Variants in PDLIM1 observed in about 807,000 individuals in gnomAD.
PDLIM1 encodes PDZ and LIM domain 1.
A neutral mutation model predicts 35.2 loss-of-function variants in PDLIM1; 25 were observed. The observed-to-expected ratio is 0.71, with a 90% CI of 0.52 to 0.99. PDLIM1 has a LOEUF of 0.99. Among genes scored for constraint, PDLIM1 ranks in the 50% least tolerant of loss-of-function variants. The pLI, the probability that PDLIM1 is intolerant of heterozygous loss-of-function variation, is 0.00. For missense variants in PDLIM1, 363 were observed against 415.3 expected (o/e 0.87, Z 1.09); for synonymous variants, 152 against 154.0 (o/e 0.99, Z 0.10).
rs767630713 is a variant in PDLIM1, at chr10:95,290,617, G to A, written c.96+203C>T. Among the ~76,000 whole-genome samples, 492 of 151,666 alleles carry A rather than the reference G, an allele frequency of 3.2e-3. 1 individual carries two copies. Among genetic ancestry groups the A allele is most frequent in the Non-Finnish European group, 5.5e-3 (370 of 67,806 alleles). ...ACACGGAGCGCGCCCGCGGCGGGCC[G>A]ACCAGCCCGGGAGCGCAGCCTCCGC... On this transcript the variant is annotated intron_variant, in intron 1 of 6. Transcript: ENST00000329399. The surrounding 1 kb of genome is among the most constrained non-coding windows in gnomAD (Gnocchi z 4.7).
chr10:95,268,943 C>G (rs2035438846), intron 2 of PDLIM1, 81 bp from the exon 3 acceptor site: 16 of 995,036 alleles, frequency 1.6e-5, no homozygotes, highest in Non-Finnish European at 2.2e-5. Flanking sequence ...AAAATGCCCC[C>G]TCTTTCCTGG....
intron 1 of PDLIM1, among the ~76,000 whole-genome samples, chr10:95,282,741 G>A (rs1463779050): frequency 6.6e-6 from 1 of 152,104 alleles, no homozygotes; most frequent in Non-Finnish European, 1.5e-5. Context: ...GGAGTTCAAG[G>A]CCAGCCTGTT....
intron 5 of PDLIM1, among the ~76,000 whole-genome samples, 153 bp downstream of exon 5, chr10:95,247,062 T>C (rs2035227567): frequency 6.6e-6 from 1 of 151,818 alleles, no homozygotes; most frequent in Non-Finnish European, 1.5e-5. Flanking sequence ...TCTCTCTCTC[T>C]CTCCCTCTAT....
chr10:95,256,017 A>C (rs1250080292), intron 4 of PDLIM1, among the ~76,000 whole-genome samples: 1 of 152,082 alleles, frequency 6.6e-6, no homozygotes, highest in Non-Finnish European at 1.5e-5. Context: ...TACACTACCA[A>C]TGAATAATCC....
intron 1 of PDLIM1, among the ~76,000 whole-genome samples, chr10:95,276,182 T>C (rs1262145275): frequency 6.6e-6 from 1 of 152,184 alleles, no homozygotes; most frequent in Non-Finnish European, 1.5e-5. Context: ...TGTGAGTGGT[T>C]CAAGTTCACA....
intron 1 of PDLIM1, among the ~76,000 whole-genome samples, chr10:95,276,923 A>C (rs1180260124): frequency 6.9e-6 from 1 of 144,854 alleles, no homozygotes; most frequent in Non-Finnish European, 1.5e-5. Context: ...AAAAAAAAAA[A>C]ACTTCTGGGC....
At chr10:95,259,142 C>T (rs1468339421) in intron 4 of PDLIM1, among the ~76,000 whole-genome samples, 2 of 151,988 alleles carry the variant, frequency 1.3e-5, no homozygotes, top group Non-Finnish European at 2.9e-5. Context: ...ATGTCAATAT[C>T]CTAATTTTGT....
intron 1 of PDLIM1, chr10:95,272,923 C>A (rs2035477792): frequency 6.6e-6 from 1 of 152,106 alleles, no homozygotes; most frequent in Non-Finnish European, 1.5e-5. Context: ...CAGAGCAATA[C>A]ATGCGGACTC....
At position 95,247,381 on chromosome 10, in the gene PDLIM1, TGA is replaced by T; in HGVS notation, c.534-17_534-16del. 3.8e-6 allele frequency: 6 copies of T among 1,598,922 alleles called. No individual in the cohort carries two copies. The highest frequency in any genetic ancestry group is 5.1e-6 in the Non-Finnish European group (6 of 1,172,116). On this transcript the variant is annotated splice_polypyrimidine_tract_variant and intron_variant, in intron 4 of 6. Transcript: ENST00000329399. Reference sequence around the variant, plus strand: ...CATGGTCTAAGCTGTAAAGAATGTTTGAAAAATTGATTAGGACATGACAGAAG... The same window carrying T: ...CATGGTCTAAGCTGTAAAGAATGTTTAAAATTGATTAGGACATGACAGAAG...
intron 4 of PDLIM1, among the ~76,000 whole-genome samples, chr10:95,256,834 G>A (rs2035314968): frequency 6.6e-6 from 1 of 151,652 alleles, no homozygotes; most frequent in Non-Finnish European, 1.5e-5. Context: ...AATTAGCCAG[G>A]AGTGGCAACG....
chr10:95,260,475 A>C (rs1374082070), intron 4 of PDLIM1, among the ~76,000 whole-genome samples: 1 of 152,184 alleles, frequency 6.6e-6, no homozygotes, highest in Non-Finnish European at 1.5e-5. Context: ...GGTACACAGT[A>C]GGCACTCAAT....
Position 95,271,745 on chromosome 10 carries a change from T to C in PDLIM1, c.136A>G (p.Ile46Val), listed in dbSNP as rs771556649. 5 of 1,612,510 alleles carry C rather than the reference T, an allele frequency of 3.1e-6. No homozygotes were observed. The highest frequency in any genetic ancestry group is 1.7e-4 in the Middle Eastern group (1 of 6,060). ...GSKAALANLC[I>V]GDVITAIDGE... Reference sequence around the variant, plus strand: ...TCAATGGCTGTGATTACATCTCCAATACATAAATTAGCTAGAGCCGCCTTG... The same window carrying C: ...TCAATGGCTGTGATTACATCTCCAACACATAAATTAGCTAGAGCCGCCTTG... Residue 46 changes from isoleucine to valine, a missense_variant, in exon 2 of 7, where the codon ATT (isoleucine) becomes GTT (valine). Ile to Val is a conservative substitution (Grantham distance 29). Transcript: ENST00000329399.
chr10:95,271,549 G>A, intron 2 of PDLIM1, 84 bp downstream of exon 2: 1 of 1,195,862 alleles, frequency 8.4e-7, no homozygotes. Flanking sequence ...AGGTCTGGGG[G>A]ATTCTGAGAT....
Position 95,271,795 on chromosome 10 carries a change from A to G in PDLIM1, c.97-11T>C, listed in dbSNP as rs778799677. The G allele has an allele frequency of 1.2e-6, 2 of 1,604,702 alleles. No individual in the cohort carries two copies. The highest frequency in any genetic ancestry group is 2.2e-5 in the East Asian group (1 of 44,656). ...GCTTCCAGGAGTGACCTAGAAAAAA[A>G]GGGGAAAGCAGGCTAGTTACTATTT... is the stretch of plus-strand genomic sequence containing the variant. On this transcript the variant is annotated splice_polypyrimidine_tract_variant and intron_variant, in intron 1 of 6. Transcript: ENST00000329399.
chr10:95,245,580 T>C (rs748507320), intron 5 of PDLIM1, among the ~76,000 whole-genome samples: 3 of 152,140 alleles, frequency 2.0e-5, no homozygotes, highest in Non-Finnish European at 2.9e-5. Flanking sequence ...TTCTCACATG[T>C]TTTTACAAAG....
In PDLIM1 at chr10:95,277,009, T is replaced by A. The variant is rs1013150948; in HGVS notation, c.97-5225A>T. ...AAGTGGCTCGCCTTGAGCTCAGGAG[T>A]TCGAGACCAACCTGGGCAACATGGC... On this transcript the variant is annotated intron_variant, in intron 1 of 6. Coordinates refer to ENST00000329399, the MANE Select transcript of PDLIM1 (RefSeq NM_020992.4). Among the ~76,000 whole-genome samples the A allele has an allele frequency of 1.1e-4, 16 of 148,310 alleles. No homozygotes were observed. In the Admixed American group the frequency reaches 1.1e-3, roughly 10 times the overall value.
rs56689408 is a variant in PDLIM1 at position 95,255,324 on chromosome 10, T to TAA, written c.534-7960_534-7959dup. Reference sequence around the variant, plus strand: ...ACCCTGATACCAAAACCAAAGATACTAAAAAAAAAAAAAAAAAAGCTACAG... The same window carrying TAA: ...ACCCTGATACCAAAACCAAAGATACTAAAAAAAAAAAAAAAAAAAAGCTACAG... On this transcript the variant is annotated intron_variant, in intron 4 of 6. Transcript: ENST00000329399. Among the ~76,000 whole-genome samples the TAA allele has an allele frequency of 2.5e-3, 262 of 102,878 alleles. 1 individual carries two copies. The highest frequency in any genetic ancestry group is 0.011 in the Middle Eastern group (2 of 188). 67.5% of individuals were successfully genotyped at this position (102,878 alleles called of 152,430 possible). A position where few individuals can be genotyped will look rare whatever the true frequency, so the allele number is the denominator to read the frequency against.
intron 3 of PDLIM1, among the ~76,000 whole-genome samples, chr10:95,266,637 C>T (rs1211138142): frequency 6.6e-6 from 1 of 152,150 alleles, no homozygotes; most frequent in Non-Finnish European, 1.5e-5. Flanking sequence ...GCTCGTGGCA[C>T]ATATTCAACC....
At chr10:95,260,244 G>A (rs2133423220) in intron 4 of PDLIM1, among the ~76,000 whole-genome samples, 1 of 152,274 alleles carries the variant, frequency 6.6e-6, no homozygotes, top group Admixed American at 6.5e-5. Context: ...ATGTTACATG[G>A]TTTTCCCAAG....
Sources: gnomAD v4.1 joint callset for allele counts (sites outside exome capture counted in the v4.1 genomes callset) on GRCh38, gnomAD v4.1.1 for gene constraint, Gnocchi (gnomAD v3.1) non-coding constraint, MANE v1.5 for transcripts, NCBI Gene and HGNC (gene_info 2026-07-23, HGNC 2026-07-21) for gene names.